The following TGFBR3 variants were observed in gnomAD, a reference collection of about 807,000 sequenced individuals.
TGFBR3 encodes transforming growth factor beta receptor type 3.
In TGFBR3, 46 loss-of-function variants were observed where a neutral mutation model predicts 87.9. The observed-to-expected ratio is 0.52, with a 90% CI of 0.41 to 0.67. The LOEUF (loss-of-function observed/expected upper bound fraction) is 0.67. Among genes scored for constraint, TGFBR3 ranks in the 30% least tolerant of loss-of-function variants. The pLI is 0.00. For synonymous variants in TGFBR3, 381 were observed against 391.6 expected, an observed-to-expected ratio of 0.97 and a Z score of 0.32; for missense variants, 866 against 1,041.9, an observed-to-expected ratio of 0.83 and a Z score of 2.32.
chr1:91,729,814 T>A lies in TGFBR3; in HGVS notation c.728A>T (p.Asn243Ile), dbSNP rs1207237227. Residue 243 changes from asparagine (N) to isoleucine (I), a missense_variant, in exon 6 of 17, where the codon AAC becomes ATC. By Grantham distance (149) the Asn-to-Ile change is moderately radical. Coordinates refer to ENST00000212355, the MANE Select transcript of TGFBR3 (RefSeq NM_003243.5). ...ACTTAGACTCACTTACCTGTAGGGG[T>A]TAGAGTTGGGGGTGATTAGCTCGAT... is the stretch of plus-strand genomic sequence containing the variant. ...HIIELITPNSNPYSAFQVDIT... is the reference protein window; with the variant it reads ...HIIELITPNSIPYSAFQVDIT... The A allele has an allele frequency of 5.0e-6, 8 of 1,613,908 alleles. No individual in the cohort carries two copies. Among genetic ancestry groups the A allele is most frequent in the African/African-American group, 1.3e-5 (1 of 74,882 alleles).
rs374242323 is a variant in TGFBR3 at position 91,870,853 on chromosome 1, AAAAT to A, written c.-113-9213_-113-9210del. Among the ~76,000 whole-genome samples the A allele has an allele frequency of 1.7e-4, 26 of 152,144 alleles. No homozygotes were observed. In the East Asian group the frequency reaches 4.6e-3, roughly 27 times the overall value. The stretch of plus-strand genomic sequence containing the variant: ...ATAATTTGAATATCAGGAGTTTCTG[AAAAT>A]AAATAAATAAATAAATACAAACACA... On this transcript the variant is annotated intron_variant, in intron 1 of 16. Transcript: ENST00000212355.
chr1:91,771,447 G>A (rs1674373622), intron 3 of TGFBR3, among the ~76,000 whole-genome samples: 1 of 152,072 alleles, frequency 6.6e-6, no homozygotes, highest in Admixed American at 6.6e-5. Context: ...GCTCACGTCT[G>A]TAATCCCAGC....
intron 2 of TGFBR3, among the ~76,000 whole-genome samples, chr1:91,853,160 A>G (rs1677805755): frequency 2.0e-5 from 3 of 151,744 alleles, no homozygotes; most frequent in African/African-American, 7.3e-5. Flanking sequence ...CCCTGTCTCA[A>G]AAAAACAAAT....
intron 2 of TGFBR3, among the ~76,000 whole-genome samples, chr1:91,799,993 C>G (rs1229858456): frequency 6.6e-6 from 1 of 151,990 alleles, no homozygotes; most frequent in East Asian, 1.9e-4. Flanking sequence ...AGGGCTAGAG[C>G]TCTAGCCACG....
chr1:91,818,420 T>C (rs1676325978), intron 2 of TGFBR3, among the ~76,000 whole-genome samples: 1 of 151,958 alleles, frequency 6.6e-6, no homozygotes, highest in Non-Finnish European at 1.5e-5. Flanking sequence ...TCCAGCACAG[T>C]TGTGGCTGGA....
At chr1:91,805,306 G>A (rs1049685184) in intron 2 of TGFBR3, among the ~76,000 whole-genome samples, 1 of 152,228 alleles carries the variant, frequency 6.6e-6, no homozygotes, top group Admixed American at 6.5e-5. Flanking sequence ...CTTTTCCTTG[G>A]ACTCAAAGTG....
chr1:91,839,721 T>C (rs1677197510), intron 2 of TGFBR3, among the ~76,000 whole-genome samples: 2 of 152,186 alleles, frequency 1.3e-5, no homozygotes, highest in African/African-American at 4.8e-5. Context: ...ACCAGGGAAC[T>C]GTCAGCCTGG....
chr1:91,735,549 T>C (rs1175607586), intron 4 of TGFBR3, among the ~76,000 whole-genome samples: 1 of 152,254 alleles, frequency 6.6e-6, no homozygotes, highest in Non-Finnish European at 1.5e-5. Flanking sequence ...AAGAGTGAGA[T>C]GAATGTTTGT....
chr1:91,797,209 G>T, intron 3 of TGFBR3, 78 bp downstream of exon 3: 1 of 1,492,702 alleles, frequency 6.7e-7, no homozygotes, highest in Non-Finnish European at 9.3e-7. Context: ...CCCCAGAAGA[G>T]AAGAAAAGGA....
intron 13 of TGFBR3, among the ~76,000 whole-genome samples, chr1:91,709,971 C>T (rs1354047198): frequency 6.6e-6 from 1 of 152,128 alleles, no homozygotes; most frequent in East Asian, 1.9e-4. Flanking sequence ...GCTGACCAGG[C>T]TGGTCTCGAA....
chr1:91,760,163 C>G (rs1187815385), intron 3 of TGFBR3, among the ~76,000 whole-genome samples: 1 of 152,208 alleles, frequency 6.6e-6, no homozygotes, highest in Non-Finnish European at 1.5e-5. Context: ...TCATCTTGTT[C>G]ACTAGCTTGA....
chr1:91,833,295 CAAAAAAAAA>C (rs33915205), intron 2 of TGFBR3, among the ~76,000 whole-genome samples: 3 of 32,040 alleles, frequency 9.4e-5, no homozygotes, highest in African/African-American at 2.6e-4. Flanking sequence ...GACTCCGACT[CAAAAAAAAA>C]AAAAAAAAAA....
chr1:91,728,148 A>G (rs967145543), intron 6 of TGFBR3, among the ~76,000 whole-genome samples: 14 of 152,148 alleles, frequency 9.2e-5, no homozygotes, highest in Non-Finnish European at 1.9e-4. Context: ...TTCAACCTTC[A>G]ACACCTTCGA....
At chr1:91,709,550 CTA>C (rs1671909842) in intron 13 of TGFBR3, among the ~76,000 whole-genome samples, 1 of 152,216 alleles carries the variant, frequency 6.6e-6, no homozygotes, top group Non-Finnish European at 1.5e-5. Flanking sequence ...TCATGTAAAA[CTA>C]AACTTTCCAG....
At position 91,842,928 on chromosome 1, in the gene TGFBR3, T is replaced by C. The variant is rs140485258; in HGVS notation, c.61+18543A>G. On this transcript the variant is annotated intron_variant, in intron 2 of 16. Coordinates refer to ENST00000212355, the MANE Select transcript of TGFBR3 (RefSeq NM_003243.5). Reference sequence around the variant, plus strand: ...AAAGTTGGGGGGCAGGGAGAGCACTTCTTATCCACACCCTCTCCCAACTCC... The same window carrying C: ...AAAGTTGGGGGGCAGGGAGAGCACTCCTTATCCACACCCTCTCCCAACTCC... Among the ~76,000 whole-genome samples, 15 of 152,220 alleles carry C rather than the reference T, an allele frequency of 9.9e-5. No homozygotes were observed. In the East Asian group the frequency reaches 2.9e-3, roughly 29 times the overall value.
chr1:91,716,185 A>G, intron 12 of TGFBR3, 51 bp downstream of exon 12: 1 of 1,610,268 alleles, frequency 6.2e-7, no homozygotes, highest in Non-Finnish European at 8.5e-7. Context: ...TGTCTAAGGA[A>G]CTATAGCCCA....
At chr1:91,838,968 G>A (rs1677168437) in intron 2 of TGFBR3, among the ~76,000 whole-genome samples, 1 of 151,970 alleles carries the variant, frequency 6.6e-6, no homozygotes, top group Non-Finnish European at 1.5e-5. Flanking sequence ...CAAATCTTAA[G>A]TTTTTTTATG....
At chr1:91,785,768 C>CTTT (rs774046968) in intron 3 of TGFBR3, among the ~76,000 whole-genome samples, 8 of 137,128 alleles carry the variant, frequency 5.8e-5, no homozygotes, top group Non-Finnish European at 1.1e-4. Flanking sequence ...GGCTTCTGTA[C>CTTT]TTTTTTTTTT....
At chr1:91,721,108 T>A (rs1273305625) in intron 8 of TGFBR3, among the ~76,000 whole-genome samples, 5 of 152,206 alleles carry the variant, frequency 3.3e-5, no homozygotes, top group African/African-American at 4.8e-5. Flanking sequence ...TCCATCTCAG[T>A]GGAAGCTGGA....
Sources: allele counts gnomAD v4.1 joint callset (sites outside exome capture counted in the v4.1 genomes callset), GRCh38; gene constraint gnomAD v4.1.1; transcripts MANE v1.5; gene names NCBI Gene and HGNC (gene_info 2026-07-23, HGNC 2026-07-21).